C9orf153: variants seen among roughly 807,000 people sequenced by gnomAD.
C9orf153 encodes chromosome 9 open reading frame 153.
In C9orf153, 10 loss-of-function variants were observed where a neutral mutation model predicts 9.0. The observed-to-expected ratio is 1.11, with a 90% CI of 0.69 to 1.89. The LOEUF is 1.89. Among genes scored for constraint, C9orf153 ranks in the 40% most tolerant of loss-of-function variants. The pLI is 0.00. For missense variants in C9orf153, 108 were observed against 111.0 expected, an observed-to-expected ratio of 0.97 and a Z score of 0.12; for synonymous variants, 35 against 37.3, an observed-to-expected ratio of 0.94 and a Z score of 0.23.
rs775855749 is a variant in C9orf153, at chr9:86,240,452, CT to C, written c.-26-10824del. Among the ~76,000 whole-genome samples, 7 of 150,184 alleles carry C rather than the reference CT, an allele frequency of 4.7e-5. No individual in the cohort carries two copies. The South Asian group carries it at 8.4e-4, about 18-fold the overall frequency. On this transcript the variant is annotated intron_variant, in intron 1 of 3. Coordinates refer to ENST00000339137, the MANE Select transcript of C9orf153 (RefSeq NM_001276366.4). The stretch of plus-strand genomic sequence containing the variant: ...AGTGCAGTGGCGCTATCTCGGCTCA[CT>C]GTAACCTCTGCCCTCCTGGGTTCAA...
intron 1 of C9orf153, among the ~76,000 whole-genome samples, chr9:86,252,816 C>T (rs1252928337): frequency 6.6e-6 from 1 of 152,166 alleles, no homozygotes; most frequent in Admixed American, 6.5e-5. Context: ...TCAGTAAAAA[C>T]TTCCAGAATT....
chr9:86,256,255 T>C (rs1825120775), intron 1 of C9orf153, among the ~76,000 whole-genome samples: 1 of 152,244 alleles, frequency 6.6e-6, no homozygotes, highest in Admixed American at 6.5e-5. Context: ...GAGCACTATG[T>C]GCGTTCACAG....
chr9:86,236,565 AAAG>A, intron 1 of C9orf153, among the ~76,000 whole-genome samples: 1 of 151,326 alleles, frequency 6.6e-6, no homozygotes. Flanking sequence ...AAAAAAAAAA[AAAG>A]AAAAGAAAAA....
chr9:86,228,725 G>C (rs1164731069), intron 2 of C9orf153: 1 of 152,872 alleles, frequency 6.5e-6, no homozygotes, highest in East Asian at 1.9e-4. Context: ...CATAGTCTCA[G>C]GTTAGGGCTG....
intron 1 of C9orf153, among the ~76,000 whole-genome samples, chr9:86,253,902 T>G (rs146589460): frequency 1.3e-5 from 2 of 152,020 alleles, no homozygotes; most frequent in African/African-American, 2.4e-5. Context: ...CTATCCTGGC[T>G]AACATGATGA....
chr9:86,229,623 C>G lies in C9orf153; in HGVS notation c.-20G>C, dbSNP rs1824422214. ...GAACATCGTGCTGGGATTTTATTCT[C>G]TAATTCCTAAAAAAAGCAATATGAG... On this transcript the variant is annotated 5_prime_UTR_variant, in exon 2 of 4. Coordinates refer to ENST00000339137, the MANE Select transcript of C9orf153 (RefSeq NM_001276366.4). 1.3e-6 allele frequency: 2 copies of G among 1,589,266 alleles called. No individual in the cohort carries two copies. Among genetic ancestry groups the G allele is most frequent in the African/African-American group, 1.3e-5 (1 of 74,154 alleles).
chr9:86,257,400 C>G (rs1825143310), intron 1 of C9orf153, among the ~76,000 whole-genome samples: 1 of 152,188 alleles, frequency 6.6e-6, no homozygotes, highest in Non-Finnish European at 1.5e-5. Flanking sequence ...GCCTTTTAAG[C>G]TCCTCCCTCC....
chr9:86,251,048 T>G (rs1824983286), intron 1 of C9orf153, among the ~76,000 whole-genome samples: 1 of 152,184 alleles, frequency 6.6e-6, no homozygotes, highest in African/African-American at 2.4e-5. Context: ...TGTGAGCCAC[T>G]GCAGCTGGCC....
chr9:86,225,214 A>G (rs1005396579), intron 3 of C9orf153, among the ~76,000 whole-genome samples: 2 of 152,084 alleles, frequency 1.3e-5, no homozygotes, highest in African/African-American at 4.8e-5. Flanking sequence ...GTTCTTCTGG[A>G]CTGAGTAGGA....
rs1282910171 is a variant in C9orf153, at chr9:86,221,541, A to G, written c.*147T>C. ...ATAACTTCCTTCATTTTGATAATCA[A>G]TTTGAGGATAAATGACCAAAGACTT... is the stretch of plus-strand genomic sequence containing the variant. On this transcript the variant is annotated 3_prime_UTR_variant, in exon 4 of 4. Coordinates refer to ENST00000339137, the MANE Select transcript of C9orf153 (RefSeq NM_001276366.4). 18 of 1,348,100 alleles carry G rather than the reference A, an allele frequency of 1.3e-5. No homozygotes were observed. The highest frequency in any genetic ancestry group is 1.5e-5 in the Non-Finnish European group (16 of 1,048,514). 83.5% of individuals were successfully genotyped at this position (1,348,100 alleles called of 1,614,324 possible). A position where few individuals can be genotyped will look rare whatever the true frequency, so the allele number is the denominator to read the frequency against.
chr9:86,241,831 G>C (rs1265562871), intron 1 of C9orf153, among the ~76,000 whole-genome samples: 2 of 152,060 alleles, frequency 1.3e-5, no homozygotes, highest in African/African-American at 4.8e-5. Context: ...TCACCATGTT[G>C]GTCAGGCTGG....
intron 1 of C9orf153, among the ~76,000 whole-genome samples, chr9:86,241,302 G>A (rs1004376398): frequency 2.6e-5 from 4 of 152,174 alleles, no homozygotes; most frequent in Admixed American, 6.5e-5. Context: ...GATGCCAGGA[G>A]AGAACTGGGG....
At chr9:86,256,034 C>G (rs1825117235) in intron 1 of C9orf153, among the ~76,000 whole-genome samples, 1 of 152,246 alleles carries the variant, frequency 6.6e-6, no homozygotes, top group Non-Finnish European at 1.5e-5. Flanking sequence ...TGCAGCTTTG[C>G]TTGACGCAGT....
chr9:86,224,940 CAA>C (rs35723282), intron 3 of C9orf153, among the ~76,000 whole-genome samples: 7 of 73,940 alleles, frequency 9.5e-5, no homozygotes, highest in Non-Finnish European at 1.2e-4. Context: ...GACTCCGTCT[CAA>C]AAAAAAAAAA....
At chr9:86,230,447 A>G (rs554401753) in intron 1 of C9orf153, among the ~76,000 whole-genome samples, 119 of 152,310 alleles carry the variant, frequency 7.8e-4, no homozygotes, top group Admixed American at 2.1e-3. Flanking sequence ...GATTACAGGC[A>G]TGTGCCACCA....
intron 1 of C9orf153, among the ~76,000 whole-genome samples, chr9:86,243,982 C>T (rs7020452): frequency 0.065 from 9,896 of 152,064 alleles, 1,115 homozygotes; most frequent in African/African-American, 0.22. Flanking sequence ...ATGGAGTGTA[C>T]AAGTTGAGTT....
At chr9:86,247,361 T>C (rs1402756275) in intron 1 of C9orf153, among the ~76,000 whole-genome samples, 1 of 152,192 alleles carries the variant, frequency 6.6e-6, no homozygotes, top group East Asian at 1.9e-4. Context: ...AACCTTTCTA[T>C]TTTGTTTTCA....
chr9:86,245,116 G>A (rs1160637710), intron 1 of C9orf153, among the ~76,000 whole-genome samples: 2 of 152,034 alleles, frequency 1.3e-5, no homozygotes, highest in Non-Finnish European at 2.9e-5. Context: ...TAGTAGAGAC[G>A]GAGTCTCACC....
At chr9:86,252,023 GGTC>G in intron 1 of C9orf153, among the ~76,000 whole-genome samples, 1 of 110,688 alleles carries the variant, frequency 9.0e-6, no homozygotes, top group Non-Finnish European at 1.9e-5. Flanking sequence ...GTCGTTATTT[GGTC>G]TTTTTTGTTT....
Sources: gnomAD v4.1 joint callset for allele counts (sites outside exome capture counted in the v4.1 genomes callset) on GRCh38, gnomAD v4.1.1 for gene constraint, MANE v1.5 for transcripts, NCBI Gene and HGNC (gene_info 2026-07-23, HGNC 2026-07-21) for gene names.